INO80: variants seen among roughly 807,000 people sequenced by gnomAD.
The protein encoded by INO80 is chromatin-remodeling ATPase INO80.
A neutral mutation model predicts 203.4 loss-of-function variants in INO80; 20 were observed. The ratio of observed to expected loss-of-function variants is 0.10; its 90% CI spans 0.07 to 0.14. The LOEUF is 0.14. Among genes scored for constraint, INO80 ranks in the 10% least tolerant of loss-of-function variants. The pLI, the probability that INO80 is intolerant of heterozygous loss-of-function variation, is 1.00. For synonymous variants in INO80, 726 were observed against 685.2 expected, an observed-to-expected ratio of 1.06 and a Z score of -0.93; for missense variants, 1,419 against 1,914.4, an observed-to-expected ratio of 0.74 and a Z score of 4.83.
At chr15:41,102,606 G>A (rs1255026474) in intron 1 of INO80, among the ~76,000 whole-genome samples, 1 of 151,998 alleles carries the variant, frequency 6.6e-6, no homozygotes, top group East Asian at 1.9e-4. Flanking sequence ...GGAGGCGGAG[G>A]TTACAGTGAG....
At chr15:41,102,970 C>T (rs1036794076) in intron 1 of INO80, among the ~76,000 whole-genome samples, 2 of 152,152 alleles carry the variant, frequency 1.3e-5, no homozygotes, top group African/African-American at 4.8e-5. Flanking sequence ...TGCTGTATGA[C>T]TGACCCTCTG....
At chr15:41,110,965 G>A (rs2045950377) in intron 1 of INO80, among the ~76,000 whole-genome samples, 1 of 152,166 alleles carries the variant, frequency 6.6e-6, no homozygotes, top group African/African-American at 2.4e-5. Flanking sequence ...TAATTCACCT[G>A]TGTTTTGTGT....
At chr15:41,026,366 G>A (rs935987739) in intron 25 of INO80, among the ~76,000 whole-genome samples, 2 of 151,878 alleles carry the variant, frequency 1.3e-5, no homozygotes, top group African/African-American at 2.4e-5. Context: ...TAGCCTGGGC[G>A]ACATGACAAA....
chr15:41,064,828 C>T (rs765197682), intron 14 of INO80, among the ~76,000 whole-genome samples: 1 of 151,974 alleles, frequency 6.6e-6, no homozygotes, highest in Non-Finnish European at 1.5e-5. Flanking sequence ...GAAACTCAGC[C>T]TCTACTAAGA....
intron 26 of INO80, chr15:41,018,418 TAC>T (rs1365872470): frequency 6.6e-6 from 1 of 152,210 alleles, no homozygotes; most frequent in Non-Finnish European, 1.5e-5. Flanking sequence ...GATGTGCATA[TAC>T]TTATAAAGAC....
chr15:41,005,308 T>A (rs2044024465), intron 28 of INO80: 1 of 280,682 alleles, frequency 3.6e-6, no homozygotes, highest in Non-Finnish European at 6.6e-6. Context: ...TCTTGGTTCA[T>A]ACTTAGAAAT....
At chr15:41,003,096 G>C (rs1485384245) in intron 28 of INO80, among the ~76,000 whole-genome samples, 1 of 151,748 alleles carries the variant, frequency 6.6e-6, no homozygotes, top group Non-Finnish European at 1.5e-5. Flanking sequence ...CTCCAGCCTG[G>C]GTGACAGAGC....
chr15:41,093,333 G>A (rs901877020), intron 4 of INO80, among the ~76,000 whole-genome samples: 2 of 152,098 alleles, frequency 1.3e-5, no homozygotes, highest in Non-Finnish European at 2.9e-5. Context: ...GCTGAGACAG[G>A]AGAATCGCTT....
intron 9 of INO80, among the ~76,000 whole-genome samples, chr15:41,077,758 A>G (rs1258695887): frequency 6.6e-6 from 1 of 152,102 alleles, no homozygotes; most frequent in Admixed American, 6.6e-5. Context: ...ATGAAGTATC[A>G]CTATGTTGCC....
intron 24 of INO80, among the ~76,000 whole-genome samples, chr15:41,031,627 A>T: frequency 3.1e-5 from 1 of 32,114 alleles, no homozygotes; most frequent in African/African-American, 1.5e-4. Flanking sequence ...GGAGGAAGGG[A>T]GGAAGGGAGG....
At chr15:41,044,128 A>G (rs959190784) in intron 24 of INO80, among the ~76,000 whole-genome samples, 3 of 152,242 alleles carry the variant, frequency 2.0e-5, no homozygotes, top group Admixed American at 6.5e-5. Context: ...ACTATTTTAG[A>G]AAAACGTTTG....
Position 41,027,686 on chromosome 15 carries a change from C to T in INO80, c.2958G>A (p.Gln986=), listed in dbSNP as rs758299239. The change falls in exon 25 of 36, where the codon CAG becomes CAA. Residue 986 remains glutamine (Q), a synonymous_variant. Coordinates refer to ENST00000648947, the MANE Select transcript of INO80 (RefSeq NM_017553.3). ...TAGCTGATCTCCGCTGATGGACAACCTGGTCTGAGTAGCCACTCACTGCTT... is the reference window on the plus strand; with the variant it reads ...TAGCTGATCTCCGCTGATGGACAACTTGGTCTGAGTAGCCACTCACTGCTT... ...HCKAVSGYSD[Q]VVHQRRSATS... is the part of the protein sequence containing the mutation. The T allele has an allele frequency of 1.2e-6, 2 of 1,613,554 alleles. No individual in the cohort carries two copies. The highest frequency in any genetic ancestry group is 4.5e-5 in the East Asian group (2 of 44,864).
At position 41,055,230 on chromosome 15, in the gene INO80, C is replaced by A. The variant is rs1385942492; in HGVS notation, c.2188+17G>T. 1.4e-6 allele frequency: 2 copies of A among 1,443,666 alleles called. No homozygotes were observed. Among genetic ancestry groups the A allele is most frequent in the South Asian group, 2.4e-5 (2 of 84,690 alleles). The allele number at this position is 1,443,666 out of a possible 1,614,324, so 89.4% of individuals were successfully genotyped here. A position where few individuals can be genotyped will look rare whatever the true frequency, so the allele number is the denominator to read the frequency against. On this transcript the variant is annotated intron_variant, in intron 18 of 35. Transcript: ENST00000648947. The stretch of plus-strand genomic sequence containing the variant: ...CACTGATAGGTAGATAGAAAGCCAG[C>A]TCATAACAGTACTCACTCTCATCAA...
intron 24 of INO80, among the ~76,000 whole-genome samples, chr15:41,039,764 A>G (rs1359510672): frequency 6.6e-6 from 1 of 152,238 alleles, no homozygotes; most frequent in African/African-American, 2.4e-5. Flanking sequence ...AAAACAATGT[A>G]CAGCATGTAA....
At chr15:41,011,388 T>C (rs145568814) in intron 27 of INO80, among the ~76,000 whole-genome samples, 2 of 152,290 alleles carry the variant, frequency 1.3e-5, no homozygotes, top group African/African-American at 4.8e-5. Flanking sequence ...ACTAAATAGA[T>C]TCCTTAAAGT....
intron 14 of INO80, 52 bp downstream of exon 14, chr15:41,069,518 C>A: frequency 8.8e-7 from 1 of 1,140,982 alleles, no homozygotes; most frequent in Non-Finnish European, 1.3e-6. Context: ...AAAGGAGAGT[C>A]AAAAAGTTTA....
At chr15:41,115,934 C>T (rs1212328297) in intron 1 of INO80, 39 bp downstream of exon 1, 2 of 384,244 alleles carry the variant, frequency 5.2e-6, no homozygotes, top group Non-Finnish European at 9.2e-6. Flanking sequence ...ACCTACACAA[C>T]CCCCACTCCG....
intron 24 of INO80, among the ~76,000 whole-genome samples, chr15:41,039,216 A>G (rs1256178273): frequency 6.6e-6 from 1 of 152,138 alleles, no homozygotes; most frequent in Non-Finnish European, 1.5e-5. Context: ...GCTCCAAGCA[A>G]TCCTCCCACC....
intron 24 of INO80, among the ~76,000 whole-genome samples, chr15:41,038,004 C>G (rs970757288): frequency 6.9e-6 from 1 of 145,160 alleles, no homozygotes; most frequent in Non-Finnish European, 1.5e-5. Flanking sequence ...TGCCCCTCTT[C>G]CCTTTTCTTT....
Sources: allele counts gnomAD v4.1 joint callset (sites outside exome capture counted in the v4.1 genomes callset), GRCh38; gene constraint gnomAD v4.1.1; transcripts MANE v1.5; gene names NCBI Gene and HGNC (gene_info 2026-07-23, HGNC 2026-07-21).